ZNF559: variants seen among roughly 807,000 people sequenced by gnomAD.
ZNF559 encodes the protein putative protein product of Nbla00121.
A neutral mutation model predicts 14.2 loss-of-function variants in ZNF559; 17 were observed. That is an observed-to-expected ratio of 1.20 (90% CI 0.82 to 1.80). ZNF559 has a LOEUF of 1.80. Ranked by LOEUF, ZNF559 falls within the 40% of genes most tolerant of loss-of-function variation. The pLI is 0.00. For synonymous variants in ZNF559, 244 were observed against 212.4 expected (o/e 1.15, Z -1.29); for missense variants, 740 against 629.7 (o/e 1.18, Z -1.88).
chr19:9,332,785 A>G (rs1248552185), intron 2 of ZNF559, among the ~76,000 whole-genome samples: 1 of 152,222 alleles, frequency 6.6e-6, no homozygotes, highest in African/African-American at 2.4e-5. Context: ...AAGATTGAGA[A>G]AAATCATGGG....
chr19:9,324,054 A>G (rs1414931123), upstream of ZNF559: 2 of 1,161,722 alleles, frequency 1.7e-6, no homozygotes, highest in East Asian at 5.2e-5. Flanking sequence ...TCGGGGAGGT[A>G]AACAGCATTT....
chr19:9,341,739 T>G lies in ZNF559; in HGVS notation c.288T>G (p.Cys96Trp), dbSNP rs1411469211. 6.3e-7 allele frequency: 1 copy of G among 1,595,190 alleles called. No individual in the cohort carries two copies. ...AGGAACTGTTTGACTTTAACCAATG[T>G]GAAAAAGCCTTGAGTGAACACTCAT... Reference protein sequence around the residue: ...FGEELFDFNQCEKALSEHSCL... With the variant: ...FGEELFDFNQWEKALSEHSCL... The change falls in exon 7 of 7, where the codon TGT becomes TGG. Residue 96 changes from cysteine (C) to tryptophan (W), a missense_variant. Physicochemically the swap from Cys to Trp is radical, Grantham distance 215. Coordinates refer to ENST00000603380, the MANE Select transcript of ZNF559 (RefSeq NM_032497.3).
chr19:9,339,091 C>T (rs2067398102), intron 4 of ZNF559, 102 bp from the exon 5 acceptor site: 2 of 1,532,464 alleles, frequency 1.3e-6, no homozygotes, highest in East Asian at 2.3e-5. Flanking sequence ...GATAGGAGAC[C>T]AAAGAGTCTT....
intron 3 of ZNF559, chr19:9,338,161 T>A: frequency 1.3e-6 from 1 of 759,530 alleles, no homozygotes; most frequent in Non-Finnish European, 2.2e-6. Flanking sequence ...TTCTGTGGTC[T>A]AAATCCTGGG....
upstream of ZNF559, chr19:9,324,053 TA>T: frequency 8.7e-7 from 1 of 1,147,534 alleles, no homozygotes; most frequent in Non-Finnish European, 1.2e-6. Context: ...TTCGGGGAGG[TA>T]AACAGCATTT....
intron 2 of ZNF559, among the ~76,000 whole-genome samples, chr19:9,337,388 A>T (rs2067298114): frequency 6.6e-6 from 1 of 152,226 alleles, no homozygotes; most frequent in Non-Finnish European, 1.5e-5. Flanking sequence ...GTCATCTCTC[A>T]CAAACTGAGC....
intron 2 of ZNF559, among the ~76,000 whole-genome samples, chr19:9,334,551 C>G (rs2067121864): frequency 6.6e-6 from 1 of 152,030 alleles, no homozygotes; most frequent in Non-Finnish European, 1.5e-5. Context: ...TTAACCTATA[C>G]CGTTAGAAGT....
intron 5 of ZNF559, among the ~76,000 whole-genome samples, chr19:9,339,738 A>C (rs1410239725): frequency 4.6e-5 from 7 of 151,290 alleles, no homozygotes; most frequent in African/African-American, 1.7e-4. Context: ...TTAACATGGA[A>C]GCATTTGTTA....
At chr19:9,332,392 A>G (rs1014042751) in intron 2 of ZNF559, among the ~76,000 whole-genome samples, 15 of 151,418 alleles carry the variant, frequency 9.9e-5, no homozygotes, top group African/African-American at 3.6e-4. Flanking sequence ...TTTTGCTAAA[A>G]TTTTATTGAG....
intron 2 of ZNF559, among the ~76,000 whole-genome samples, chr19:9,333,482 C>A (rs1280213383): frequency 6.6e-6 from 1 of 152,158 alleles, no homozygotes; most frequent in Non-Finnish European, 1.5e-5. Flanking sequence ...GCAGGAGAAT[C>A]ACTTGCGTCC....
Position 9,324,772 on chromosome 19 carries a change from C to T in ZNF559, c.-128C>T, listed in dbSNP as rs764417963. On this transcript the variant is annotated 5_prime_UTR_variant, in exon 2 of 7. Transcript: ENST00000603380. Reference sequence around the variant, plus strand: ...GGCCTCAGCAACCTGACAATTCTGTCGTGTCCCGGTGAGCACTTCATGCAC... The same window carrying T: ...GGCCTCAGCAACCTGACAATTCTGTTGTGTCCCGGTGAGCACTTCATGCAC... 6.5e-7 allele frequency: 1 copy of T among 1,535,614 alleles called. No individual in the cohort carries two copies. The highest frequency in any genetic ancestry group is 8.7e-7 in the Non-Finnish European group (1 of 1,146,610).
At chr19:9,339,084 A>G in intron 4 of ZNF559, 109 bp from the exon 5 acceptor site, 1 of 1,471,006 alleles carries the variant, frequency 6.8e-7, no homozygotes. Flanking sequence ...ATCAAGTGAT[A>G]GGAGACCAAA....
chr19:9,323,915 C>T (rs1254355459), upstream of ZNF559: 1 of 556,100 alleles, frequency 1.8e-6, no homozygotes, highest in Non-Finnish European at 3.2e-6. Flanking sequence ...CAACAAATCC[C>T]AGCTCTTGTT....
At chr19:9,338,470 C>G (rs1425010481) in intron 3 of ZNF559, 24 bp from the exon 4 acceptor site, 1 of 1,586,928 alleles carries the variant, frequency 6.3e-7, no homozygotes, top group East Asian at 2.2e-5. Context: ...CCTGGATTCT[C>G]AGATTTTATT....
chr19:9,338,603 T>A, intron 4 of ZNF559, 21 bp downstream of exon 4: 1 of 1,569,412 alleles, frequency 6.4e-7, no homozygotes, highest in Non-Finnish European at 8.8e-7. Context: ...AATTGCTTTT[T>A]CTGTAGAAGC....
chr19:9,334,467 C>A (rs1207992354), intron 2 of ZNF559, among the ~76,000 whole-genome samples: 6 of 152,014 alleles, frequency 3.9e-5, no homozygotes, highest in African/African-American at 1.2e-4. Context: ...GACTCATAAA[C>A]ATAATGTTGA....
chr19:9,342,364 G>C lies in ZNF559; in HGVS notation c.913G>C (p.Glu305Gln), dbSNP rs751038135. ...CTATGTTTGTAATGAATGTGGCAAA[G>C]AATTTACTTGTTTCTCAAAACTCAA... ...KHYVCNECGK[E>Q]FTCFSKLNIH... Residue 305 changes from glutamate to glutamine, a missense_variant, in exon 7 of 7, where the codon GAA becomes CAA. Physicochemically the swap from Glu to Gln is conservative, Grantham distance 29 (BLOSUM62 2). Coordinates refer to ENST00000603380, the MANE Select transcript of ZNF559 (RefSeq NM_032497.3). The C allele has an allele frequency of 2.6e-5, 42 of 1,609,288 alleles. 1 individual carries two copies. In the South Asian group the frequency reaches 4.5e-4, roughly 17 times the overall value.
chr19:9,342,485 G>A lies in ZNF559; in HGVS notation c.1034G>A (p.Arg345Gln), dbSNP rs138021555. Reference protein sequence around the residue: ...TDSSGLIKHRRTHTGEKPYEC... With the variant: ...TDSSGLIKHRQTHTGEKPYEC... The stretch of plus-strand genomic sequence containing the variant: ...TCATCAGGTCTTATAAAACACAGGC[G>A]AACTCACACTGGAGAAAAGCCTTAT... The change falls in exon 7 of 7, where the codon CGA (arginine) becomes CAA (glutamine). Residue 345 changes from arginine to glutamine, a missense_variant. By Grantham distance (43) the Arg-to-Gln change is conservative. Coordinates refer to ENST00000603380, the MANE Select transcript of ZNF559 (RefSeq NM_032497.3). The A allele has an allele frequency of 8.0e-4, 1,297 of 1,614,136 alleles. 21 individuals are homozygous for A. The East Asian group carries it at 0.025, about 31-fold the overall frequency.
chr19:9,342,691 T>C lies in ZNF559; in HGVS notation c.1240T>C (p.Cys414Arg). The C allele has an allele frequency of 1.9e-6, 3 of 1,614,108 alleles. No homozygotes were observed. The highest frequency in any genetic ancestry group is 2.2e-5 in the South Asian group (2 of 91,084). Residue 414 changes from cysteine to arginine, a missense_variant, in exon 7 of 7, where the codon TGT (cysteine) becomes CGT (arginine). By Grantham distance (180) the Cys-to-Arg change is radical. Coordinates refer to ENST00000603380, the MANE Select transcript of ZNF559 (RefSeq NM_032497.3). ...PGVKPYDCQQ[C>R]GKAFIRSSFL... Reference sequence around the variant, plus strand: ...TGTAAAACCCTATGACTGTCAACAGTGTGGGAAAGCCTTCATTCGATCCTC... The same window carrying C: ...TGTAAAACCCTATGACTGTCAACAGCGTGGGAAAGCCTTCATTCGATCCTC...
Sources: allele counts gnomAD v4.1 joint callset (sites outside exome capture counted in the v4.1 genomes callset), GRCh38; gene constraint gnomAD v4.1.1; transcripts MANE v1.5; gene names NCBI Gene and HGNC (gene_info 2026-07-23, HGNC 2026-07-21).